Variants in SIPA1L1 observed in about 807,000 individuals in gnomAD.
SIPA1L1 encodes the protein signal-induced proliferation-associated 1-like protein 1.
Under a neutral mutation model 162.7 loss-of-function variants are expected in SIPA1L1, and 26 were observed. The observed-to-expected ratio is 0.16, with a 90% CI of 0.12 to 0.22. The LOEUF (loss-of-function observed/expected upper bound fraction) is 0.22. Ranked by LOEUF, SIPA1L1 falls within the 10% of genes least tolerant of loss-of-function variation. SIPA1L1 has a pLI of 1.00. For synonymous variants in SIPA1L1, 829 were observed against 837.4 expected, an observed-to-expected ratio of 0.99 and a Z score of 0.17; for missense variants, 1,874 against 2,241.0, an observed-to-expected ratio of 0.84 and a Z score of 3.31.
intron 2 of SIPA1L1, among the ~76,000 whole-genome samples, chr14:71,494,339 A>G (rs1353099346): frequency 6.6e-6 from 1 of 151,652 alleles, no homozygotes; most frequent in African/African-American, 2.4e-5. Flanking sequence ...GTTGAATTAA[A>G]TTTTTCAAGT....
intron 2 of SIPA1L1, among the ~76,000 whole-genome samples, chr14:71,347,563 T>G (rs2036293203): frequency 2.0e-5 from 3 of 152,204 alleles, no homozygotes; most frequent in Non-Finnish European, 1.5e-5. Flanking sequence ...CTCTAAACAA[T>G]CCGGGCTTTT....
chr14:71,453,278 T>C (rs2045951634), intron 2 of SIPA1L1, among the ~76,000 whole-genome samples: 2 of 152,194 alleles, frequency 1.3e-5, no homozygotes, highest in African/African-American at 4.8e-5. Flanking sequence ...TTGTTTTGTT[T>C]TTGGAGAAAG....
At chr14:71,544,284 T>C (rs1379132725) in intron 4 of SIPA1L1, among the ~76,000 whole-genome samples, 1 of 107,512 alleles carries the variant, frequency 9.3e-6, no homozygotes, top group Non-Finnish European at 2.5e-5. Context: ...TACATATGTG[T>C]ATATACATAT....
At chr14:71,438,720 A>C (rs1305251732) in intron 2 of SIPA1L1, among the ~76,000 whole-genome samples, 1 of 538 alleles carries the variant, frequency 1.9e-3, no homozygotes, top group African/African-American at 0.016. Flanking sequence ...GGAAGAGGAG[A>C]GGGCCATCGG....
chr14:71,366,945 A>C (rs903630908), intron 2 of SIPA1L1, among the ~76,000 whole-genome samples: 1 of 152,222 alleles, frequency 6.6e-6, no homozygotes, highest in Non-Finnish European at 1.5e-5. Context: ...TTACACAAGA[A>C]ATATATAAAT....
At chr14:71,653,667 G>C (rs1346593537) in intron 8 of SIPA1L1, among the ~76,000 whole-genome samples, 1 of 152,076 alleles carries the variant, frequency 6.6e-6, no homozygotes, top group Non-Finnish European at 1.5e-5. Context: ...GCAAACAGTT[G>C]TTTCAGCTAT....
At chr14:71,324,840 A>G (rs980532314) in intron 2 of SIPA1L1, among the ~76,000 whole-genome samples, 5 of 152,108 alleles carry the variant, frequency 3.3e-5, no homozygotes, top group African/African-American at 1.2e-4. Context: ...TTTCTCAGCG[A>G]CATGTAAGGG....
intron 13 of SIPA1L1, among the ~76,000 whole-genome samples, chr14:71,686,699 C>T (rs988970860): frequency 1.3e-5 from 2 of 152,134 alleles, no homozygotes; most frequent in African/African-American, 2.4e-5. Flanking sequence ...TGAGCCACCA[C>T]GCCTGGCCTA....
chr14:71,388,586 G>A (rs748207944), intron 2 of SIPA1L1, among the ~76,000 whole-genome samples: 6 of 152,154 alleles, frequency 3.9e-5, no homozygotes, highest in South Asian at 2.1e-4. Context: ...CACGTCACAC[G>A]TGCTCTTCTT....
intron 2 of SIPA1L1, among the ~76,000 whole-genome samples, chr14:71,438,140 TAAACAAAACAAAACA>T (rs113520416): frequency 1.3e-5 from 2 of 152,240 alleles, no homozygotes; most frequent in Admixed American, 1.3e-4. Context: ...ACTTTTTAGT[TAAACAAAACAAAACA>T]AAACAAAACA....
chr14:71,672,595 C>T lies in SIPA1L1; in HGVS notation c.3077C>T (p.Pro1026Leu). 6.2e-7 allele frequency: 1 copy of T among 1,614,078 alleles called. No homozygotes were observed. The highest frequency in any genetic ancestry group is 8.5e-7 in the Non-Finnish European group (1 of 1,179,938). The change falls in exon 12 of 24, where the codon CCC becomes CTC. Residue 1026 changes from proline (P) to leucine (L), a missense_variant. Around this residue, in one of 5 missense-constraint regions of SIPA1L1, gnomAD observed 936 missense variants for 1,051.9 expected, o/e 0.89. Coordinates refer to ENST00000381232, the MANE Select transcript of SIPA1L1 (RefSeq NM_001386936.1). ...TSVTVKVVII[P>L]PHDDCTPRRS... ...GTCACGGTGAAGGTTGTCATCATTC[C>T]CCCGCATGATGACTGCACCCCGCGG...
At chr14:71,543,282 G>A (rs10150280) in intron 4 of SIPA1L1, among the ~76,000 whole-genome samples, 117,092 of 152,188 alleles carry the variant, frequency 0.77, 46,221 homozygotes, top group African/African-American at 0.94. Context: ...AAATGCAAAG[G>A]TCTTAGTTGT....
intron 7 of SIPA1L1, among the ~76,000 whole-genome samples, chr14:71,649,696 T>C (rs2042462476): frequency 1.3e-5 from 2 of 152,230 alleles, no homozygotes; most frequent in Admixed American, 6.5e-5. Flanking sequence ...GAGGCCTCTT[T>C]TAAAGTTTCT....
At chr14:71,334,403 G>A (rs2034874457) in intron 2 of SIPA1L1, among the ~76,000 whole-genome samples, 1 of 152,134 alleles carries the variant, frequency 6.6e-6, no homozygotes, top group Non-Finnish European at 1.5e-5. Context: ...TCCAAAGCCT[G>A]GTTTCTTTCC....
At chr14:71,347,075 C>A (rs1328047812) in intron 2 of SIPA1L1, among the ~76,000 whole-genome samples, 1 of 151,940 alleles carries the variant, frequency 6.6e-6, no homozygotes, top group Admixed American at 6.6e-5. Flanking sequence ...TCTCAGCCCC[C>A]CGAGTAGTTG....
At chr14:71,497,679 A>G (rs923467693) in intron 2 of SIPA1L1, among the ~76,000 whole-genome samples, 5 of 152,214 alleles carry the variant, frequency 3.3e-5, no homozygotes, top group African/African-American at 1.2e-4. Flanking sequence ...TGTTGCATGT[A>G]TCAGTAGTTG....
At chr14:71,722,459 C>A (rs950570541) in intron 17 of SIPA1L1, among the ~76,000 whole-genome samples, 1 of 152,180 alleles carries the variant, frequency 6.6e-6, no homozygotes, top group Non-Finnish European at 1.5e-5. Flanking sequence ...GTTAATTAAA[C>A]CTCAAGTAAA....
intron 4 of SIPA1L1, among the ~76,000 whole-genome samples, chr14:71,556,082 G>A (rs1479852096): frequency 6.6e-6 from 1 of 152,160 alleles, no homozygotes; most frequent in East Asian, 1.9e-4. Flanking sequence ...GCTCAATGCA[G>A]GGTTGCCTCA....
intron 4 of SIPA1L1, among the ~76,000 whole-genome samples, chr14:71,538,671 C>T (rs1175177421): frequency 6.6e-6 from 1 of 151,844 alleles, no homozygotes; most frequent in Non-Finnish European, 1.5e-5. Flanking sequence ...TTGCTGGATA[C>T]AAGACGGCAA....
Sources: gnomAD v4.1 joint callset for allele counts (sites outside exome capture counted in the v4.1 genomes callset) on GRCh38, gnomAD v4.1.1 for gene constraint, gnomAD v4.1.1 regional missense constraint, MANE v1.5 for transcripts, NCBI Gene and HGNC (gene_info 2026-07-23, HGNC 2026-07-21) for gene names.